Variants in DOCK8 observed in about 807,000 individuals in gnomAD.
DOCK8 encodes the protein dedicator of cytokinesis 8.
A neutral mutation model predicts 245.6 loss-of-function variants in DOCK8; 141 were observed. The ratio of observed to expected loss-of-function variants is 0.57; its 90% CI spans 0.50 to 0.66. DOCK8 has a LOEUF of 0.66. Ranked by LOEUF, DOCK8 falls within the 30% of genes least tolerant of loss-of-function variation. The pLI is 0.00. For synonymous variants in DOCK8, 1,168 were observed against 970.2 expected (o/e 1.20, Z -3.79); for missense variants, 2,965 against 2,603.4 (o/e 1.14, Z -3.02).
At chr9:432,970 C>G (rs550148695) in intron 37 of DOCK8, among the ~76,000 whole-genome samples, 10 of 152,310 alleles carry the variant, frequency 6.6e-5, no homozygotes, top group Admixed American at 2.0e-4. Context: ...CTAGCCTGCT[C>G]TATGGTAGGG....
intron 17 of DOCK8, 122 bp from the exon 18 acceptor site, chr9:372,063 A>G (rs1055074161): frequency 1.4e-5 from 12 of 866,216 alleles, no homozygotes; most frequent in Middle Eastern, 2.5e-4. Flanking sequence ...ATTACTGCCA[A>G]AAAGAGTACT....
chr9:212,050 AGTTT>A (rs1416030503), upstream of DOCK8, among the ~76,000 whole-genome samples: 1 of 152,198 alleles, frequency 6.6e-6, no homozygotes, highest in Non-Finnish European at 1.5e-5. Context: ...TGCCCTTACT[AGTTT>A]GTAATCTTGG....
intron 1 of DOCK8, among the ~76,000 whole-genome samples, chr9:263,488 A>G (rs906414673): frequency 2.6e-5 from 4 of 152,112 alleles, no homozygotes; most frequent in African/African-American, 9.7e-5. Flanking sequence ...TATCATTATT[A>G]TATTTATATT....
At chr9:330,607 C>T (rs1211669627) in intron 9 of DOCK8, among the ~76,000 whole-genome samples, 2 of 152,094 alleles carry the variant, frequency 1.3e-5, no homozygotes, top group African/African-American at 2.4e-5. Context: ...AAAACACCTA[C>T]CCTGTACCTG....
chr9:364,771 T>G (rs1253810267), intron 14 of DOCK8, among the ~76,000 whole-genome samples: 3 of 152,238 alleles, frequency 2.0e-5, no homozygotes, highest in African/African-American at 4.8e-5. Context: ...CTTTATACTT[T>G]TATGTACTTT....
chr9:363,388 A>G (rs2131138545), intron 14 of DOCK8, among the ~76,000 whole-genome samples: 1 of 152,334 alleles, frequency 6.6e-6, no homozygotes, highest in South Asian at 2.1e-4. Context: ...TTAATTTATC[A>G]CGTATGAAGC....
intron 33 of DOCK8, among the ~76,000 whole-genome samples, chr9:426,316 T>A (rs2056499232): frequency 6.6e-6 from 1 of 152,132 alleles, no homozygotes; most frequent in African/African-American, 2.4e-5. Context: ...TGTTTCCCAA[T>A]GGAAAAGGAC....
At chr9:333,516 G>C (rs956272511) in intron 10 of DOCK8, among the ~76,000 whole-genome samples, 1 of 151,868 alleles carries the variant, frequency 6.6e-6, no homozygotes, top group African/African-American at 2.4e-5. Flanking sequence ...CAGGAGAATA[G>C]CTTGAACCTG....
At position 281,778 on chromosome 9, in the gene DOCK8, C is replaced by T. The variant is rs117041536; in HGVS notation, c.157-4683C>T. Among the ~76,000 whole-genome samples the T allele has an allele frequency of 8.4e-4, 128 of 152,290 alleles. 4 individuals are homozygous for T. The East Asian group carries it at 0.022, about 26-fold the overall frequency. Reference sequence around the variant, plus strand: ...CTTGAATTTGCAAGAGGAACAACTGCTAGGAGGCCTAGTTAACAGTAGTTA... The same window carrying T: ...CTTGAATTTGCAAGAGGAACAACTGTTAGGAGGCCTAGTTAACAGTAGTTA... On this transcript the variant is annotated intron_variant, in intron 2 of 47. Coordinates refer to ENST00000432829, the MANE Select transcript of DOCK8 (RefSeq NM_203447.4).
chr9:325,773 A>G (rs141360559), intron 8 of DOCK8, 36 bp downstream of exon 8: 4 of 1,545,038 alleles, frequency 2.6e-6, no homozygotes, highest in East Asian at 2.3e-5. Context: ...CCTAAGGCAC[A>G]TATATTGTTC....
At chr9:353,248 C>T (rs1272241125) in intron 14 of DOCK8, among the ~76,000 whole-genome samples, 1 of 147,988 alleles carries the variant, frequency 6.8e-6, no homozygotes, top group East Asian at 2.0e-4. Flanking sequence ...TGCCAAGTGC[C>T]TAAAGCAAGG....
chr9:443,342 C>T, intron 42 of DOCK8, 85 bp from the exon 43 acceptor site: 1 of 1,329,706 alleles, frequency 7.5e-7, no homozygotes. Flanking sequence ...CTTGCACTTG[C>T]TCCAAACTTA....
chr9:322,627 G>T (rs1001337805), intron 7 of DOCK8, among the ~76,000 whole-genome samples: 1 of 152,234 alleles, frequency 6.6e-6, no homozygotes, highest in Non-Finnish European at 1.5e-5. Flanking sequence ...ACAATTTTAA[G>T]TCTTTAATAA....
At chr9:461,150 G>A (rs1435789405) in intron 46 of DOCK8, among the ~76,000 whole-genome samples, 1 of 152,220 alleles carries the variant, frequency 6.6e-6, no homozygotes, top group Non-Finnish European at 1.5e-5. Flanking sequence ...CGGTCCACAA[G>A]CCAGATAACC....
intron 1 of DOCK8, among the ~76,000 whole-genome samples, chr9:239,647 T>G (rs984648350): frequency 6.6e-6 from 1 of 152,208 alleles, no homozygotes; most frequent in African/African-American, 2.4e-5. Context: ...ATATAAATTA[T>G]AGAAAAGTCA....
At chr9:345,289 C>G (rs1252505444) in intron 14 of DOCK8, among the ~76,000 whole-genome samples, 1 of 152,270 alleles carries the variant, frequency 6.6e-6, no homozygotes, top group African/African-American at 2.4e-5. Context: ...AGAGGATTCA[C>G]CTCATGAATT....
At chr9:230,585 T>C (rs913862228) in intron 1 of DOCK8, among the ~76,000 whole-genome samples, 4 of 152,108 alleles carry the variant, frequency 2.6e-5, no homozygotes, top group African/African-American at 9.7e-5. Flanking sequence ...TTTTTAATGA[T>C]CGCCATTCTA....
At chr9:257,511 GT>G (rs918037045) in intron 1 of DOCK8, among the ~76,000 whole-genome samples, 4 of 151,950 alleles carry the variant, frequency 2.6e-5, no homozygotes, top group African/African-American at 7.2e-5. Flanking sequence ...TGTTGTTGTT[GT>G]TTGTTTGTTT....
rs142083508 is a variant in DOCK8, at chr9:464,238, G to C, written c.*19G>C. 5.6e-6 allele frequency: 9 copies of C among 1,607,448 alleles called. No individual in the cohort carries two copies. In the Admixed American group the frequency reaches 6.7e-5, roughly 12 times the overall value. On this transcript the variant is annotated 3_prime_UTR_variant, in exon 48 of 48. Transcript: ENST00000432829. ...CAGCTAAGAAAAGCCATCTTCATTC[G>C]TGGAGACTGTGGCCCTGCAACCCTG...
Sources: gnomAD v4.1 joint callset for allele counts (sites outside exome capture counted in the v4.1 genomes callset) on GRCh38, gnomAD v4.1.1 for gene constraint, MANE v1.5 for transcripts, NCBI Gene and HGNC (gene_info 2026-07-23, HGNC 2026-07-21) for gene names.